The following CC2D2B variants were observed in gnomAD, a reference collection of about 807,000 sequenced individuals.
CC2D2B encodes coiled-coil and C2 domain containing 2B.
CC2D2B carries 128 observed loss-of-function variants against 161.2 expected under a neutral mutation model. That is an observed-to-expected ratio of 0.79 (90% CI 0.69 to 0.92). The LOEUF is 0.92. CC2D2B is among the 40% of genes least tolerant of loss of function. The pLI is 0.00. For missense variants in CC2D2B, 1,173 were observed against 1,375.1 expected, an observed-to-expected ratio of 0.85 and a Z score of 2.32; for synonymous variants, 391 against 449.8, an observed-to-expected ratio of 0.87 and a Z score of 1.65.
chr10:95,931,736 G>A (rs1177638556), intron 6 of CC2D2B, among the ~76,000 whole-genome samples: 1 of 152,160 alleles, frequency 6.6e-6, no homozygotes, highest in African/African-American at 2.4e-5. Flanking sequence ...ATTGCACTGT[G>A]GTCTGAGAGA....
At chr10:95,933,432 G>C (rs2075684353) in intron 6 of CC2D2B, among the ~76,000 whole-genome samples, 1 of 152,074 alleles carries the variant, frequency 6.6e-6, no homozygotes, top group South Asian at 2.1e-4. Context: ...TTGCTGGTGA[G>C]GAGTTGTGAT....
intron 9 of CC2D2B, among the ~76,000 whole-genome samples, chr10:95,946,731 G>A (rs2076211187): frequency 6.6e-6 from 1 of 151,954 alleles, no homozygotes; most frequent in Non-Finnish European, 1.5e-5. Flanking sequence ...TCCTAACTCA[G>A]GAAAAAATAA....
intron 1 of CC2D2B, among the ~76,000 whole-genome samples, chr10:95,909,976 G>T (rs1441445484): frequency 3.3e-5 from 5 of 152,170 alleles, no homozygotes; most frequent in African/African-American, 1.2e-4. Context: ...GCGAGACCCT[G>T]TCTGTACCTA....
rs1364983912 is a variant in CC2D2B at position 95,949,998 on chromosome 10, C to T, written c.904C>T (p.His302Tyr). The change falls in exon 10 of 35, where the codon CAT becomes TAT. Residue 302 changes from histidine (H) to tyrosine (Y), a missense_variant. By Grantham distance (83) the His-to-Tyr change is moderately conservative. This residue lies in a region of CC2D2B where 298 missense variants were observed against 261.2 expected (regional missense o/e 1.14). Coordinates refer to ENST00000646931, the MANE Select transcript of CC2D2B (RefSeq NM_001349008.3). ...CATTGTGGGTTTGCAATTCAGCCAT[C>T]ATCATCTCTTCAATCAAGAGCAAGT... Reference protein sequence around the residue: ...LNIVGLQFSHHHLFNQEQVLC... With the variant: ...LNIVGLQFSHYHLFNQEQVLC... 5.0e-6 allele frequency: 2 copies of T among 398,690 alleles called. No homozygotes were observed. Among genetic ancestry groups the T allele is most frequent in the African/African-American group, 2.1e-5 (1 of 48,618 alleles). 24.7% of individuals were successfully genotyped at this position (398,690 alleles called of 1,614,324 possible).
At chr10:95,940,429 G>T (rs2075981877) in intron 9 of CC2D2B, among the ~76,000 whole-genome samples, 1 of 151,916 alleles carries the variant, frequency 6.6e-6, no homozygotes, top group African/African-American at 2.4e-5. Context: ...TTTTTCTTTA[G>T]GGTTAGCACC....
intron 26 of CC2D2B, among the ~76,000 whole-genome samples, chr10:96,011,625 C>T (rs2078992124): frequency 2.0e-5 from 3 of 152,086 alleles, no homozygotes. Flanking sequence ...TGGATTATTG[C>T]AGCCTCAGCC....
intron 20 of CC2D2B, among the ~76,000 whole-genome samples, chr10:95,988,861 T>A (rs1284860043): frequency 6.6e-6 from 1 of 152,222 alleles, no homozygotes; most frequent in Non-Finnish European, 1.5e-5. Context: ...CTGATTTCTA[T>A]CAACCCCTCA....
At chr10:96,024,827 A>G (rs377137292) in intron 32 of CC2D2B, 26 bp from the exon 33 acceptor site, 3 of 1,341,294 alleles carry the variant, frequency 2.2e-6, no homozygotes, top group Non-Finnish European at 3.1e-6. Flanking sequence ...TCTAGAATCT[A>G]TTCTAACTTT....
intron 6 of CC2D2B, among the ~76,000 whole-genome samples, chr10:95,931,283 T>C (rs2098549608): frequency 6.6e-6 from 1 of 152,188 alleles, no homozygotes; most frequent in Non-Finnish European, 1.5e-5. Flanking sequence ...TCTTTTCTTC[T>C]TTATTAGTCT....
At chr10:95,927,214 C>T (rs548846364) in intron 5 of CC2D2B, 23 bp from the exon 6 acceptor site, 1 of 1,334,032 alleles carries the variant, frequency 7.5e-7, no homozygotes, top group East Asian at 2.5e-5. Flanking sequence ...TTTATTTCAA[C>T]ACTAAATACT....
intron 6 of CC2D2B, among the ~76,000 whole-genome samples, chr10:95,934,569 G>T (rs1205140601): frequency 1.3e-5 from 2 of 152,188 alleles, no homozygotes; most frequent in East Asian, 3.9e-4. Context: ...CTCCTGGTCT[G>T]CAGGTTGAGA....
chr10:95,931,141 C>A (rs1299926864), intron 6 of CC2D2B, among the ~76,000 whole-genome samples: 1 of 152,084 alleles, frequency 6.6e-6, no homozygotes, highest in Non-Finnish European at 1.5e-5. Context: ...GGAATTTATC[C>A]ATTTCTTCTA....
chr10:96,007,607 G>A (rs1564664190), intron 25 of CC2D2B, among the ~76,000 whole-genome samples: 1 of 152,116 alleles, frequency 6.6e-6, no homozygotes, highest in East Asian at 1.9e-4. Context: ...CATATTGTCT[G>A]GTAAGTGGAT....
At chr10:95,991,716 A>G (rs962531276) in intron 21 of CC2D2B, among the ~76,000 whole-genome samples, 4 of 152,192 alleles carry the variant, frequency 2.6e-5, no homozygotes. Flanking sequence ...TTTCAGGGCA[A>G]GAAAGAAAAA....
chr10:95,934,565 G>C (rs1001959988), intron 6 of CC2D2B, among the ~76,000 whole-genome samples: 10 of 152,198 alleles, frequency 6.6e-5, no homozygotes, highest in African/African-American at 2.4e-4. Context: ...GAATCTCCTG[G>C]TCTGCAGGTT....
chr10:96,015,329 A>T (rs2079150549), intron 29 of CC2D2B, among the ~76,000 whole-genome samples: 1 of 147,394 alleles, frequency 6.8e-6, no homozygotes. Context: ...TGGCCGCCTC[A>T]GCCTCCCAAA....
chr10:95,939,660 T>C (rs2075955187), intron 9 of CC2D2B, among the ~76,000 whole-genome samples: 1 of 152,240 alleles, frequency 6.6e-6, no homozygotes, highest in South Asian at 2.1e-4. Flanking sequence ...GTATTATCTG[T>C]CTTTTAAATC....
chr10:95,943,367 G>C (rs969259604), intron 9 of CC2D2B, among the ~76,000 whole-genome samples: 1 of 152,094 alleles, frequency 6.6e-6, no homozygotes, highest in African/African-American at 2.4e-5. Flanking sequence ...ACTGACTTGT[G>C]TTTTGGGTTT....
chr10:95,951,930 A>G (rs1411431697), intron 10 of CC2D2B, among the ~76,000 whole-genome samples: 2 of 152,072 alleles, frequency 1.3e-5, no homozygotes, highest in African/African-American at 4.8e-5. Context: ...GAATGTAAAC[A>G]TTTTCTCTAA....
Sources: gnomAD v4.1 joint callset for allele counts (sites outside exome capture counted in the v4.1 genomes callset) on GRCh38, gnomAD v4.1.1 for gene constraint, gnomAD v4.1.1 regional missense constraint, MANE v1.5 for transcripts, NCBI Gene and HGNC (gene_info 2026-07-23, HGNC 2026-07-21) for gene names.